The following MRPL34 variants were observed in gnomAD, a reference collection of about 807,000 sequenced individuals.
MRPL34 encodes mitochondrial ribosomal protein L34, also known as large ribosomal subunit protein bL34m.
MRPL34 carries 8 observed loss-of-function variants against 6.7 expected under a neutral mutation model. The ratio of observed to expected loss-of-function variants is 1.20; its 90% CI spans 0.70 to 2.16. MRPL34 has a LOEUF of 2.16. MRPL34 is among the 30% of genes most tolerant of loss of function. The pLI is 0.00. For missense variants in MRPL34, 146 were observed against 125.5 expected, an observed-to-expected ratio of 1.16 and a Z score of -0.78; for synonymous variants, 59 against 55.1, an observed-to-expected ratio of 1.07 and a Z score of -0.31.
At chr19:17,299,560 C>CAAAAA (rs567760409), upstream of MRPL34, among the ~76,000 whole-genome samples, 3,507 of 51,368 alleles carry the variant, frequency 0.068, 163 homozygotes, top group Middle Eastern at 0.15. Context: ...GACTCCATCT[C>CAAAAA]AAAAAAAAAA....
At chr19:17,297,509 T>C (rs1328349844) in intron 1 of MRPL34, among the ~76,000 whole-genome samples, 1 of 152,184 alleles carries the variant, frequency 6.6e-6, no homozygotes, top group African/African-American at 2.4e-5. Flanking sequence ...TTGGCCAGGC[T>C]GGTCTTGAAC....
upstream of MRPL34, among the ~76,000 whole-genome samples, chr19:17,304,297 C>A (rs2074135952): frequency 6.6e-6 from 1 of 152,214 alleles, no homozygotes; most frequent in Non-Finnish European, 1.5e-5. Flanking sequence ...AGCCTCTGCC[C>A]TTTGCTGATG....
Position 17,306,159 on chromosome 19 carries a change from C to T in MRPL34, c.66-7C>T, listed in dbSNP as rs1195630736. On this transcript the variant is annotated splice_region_variant and splice_polypyrimidine_tract_variant and intron_variant, in intron 1 of 1. Transcript: ENST00000252602. Reference sequence around the variant, plus strand: ...TGACCTTTCTCGCCGTCCCTCTACCCACGCAGGTGGCTCCAGCCCCGGGCC... The same window carrying T: ...TGACCTTTCTCGCCGTCCCTCTACCTACGCAGGTGGCTCCAGCCCCGGGCC... 1 of 1,517,758 alleles carries T rather than the reference C, an allele frequency of 6.6e-7. No individual in the cohort carries two copies. The highest frequency in any genetic ancestry group is 8.8e-7 in the Non-Finnish European group (1 of 1,135,448). The allele number at this position is 1,517,758 out of a possible 1,614,324, so 94.0% of individuals were successfully genotyped here.
chr19:17,296,551 A>G (rs2074094475), intron 1 of MRPL34: 1 of 152,188 alleles, frequency 6.6e-6, no homozygotes, highest in Non-Finnish European at 1.5e-5. Flanking sequence ...TACAAGATGG[A>G]AGGCCTGAGA....
chr19:17,293,389 G>T (rs977408789), intron 1 of MRPL34, among the ~76,000 whole-genome samples: 11 of 149,762 alleles, frequency 7.3e-5, no homozygotes, highest in African/African-American at 2.5e-4. Context: ...GAGCCACCGC[G>T]CCCGGCCTGG....
upstream of MRPL34, among the ~76,000 whole-genome samples, chr19:17,301,808 G>GTGTGTT (rs1491251074): frequency 7.0e-6 from 1 of 142,496 alleles, no homozygotes; most frequent in African/African-American, 2.5e-5. Flanking sequence ...GTGTGTGTGT[G>GTGTGTT]TTTTTGAGAC....
upstream of MRPL34, among the ~76,000 whole-genome samples, chr19:17,299,955 A>G (rs192950431): frequency 6.1e-5 from 9 of 148,588 alleles, no homozygotes; most frequent in East Asian, 1.2e-3. Flanking sequence ...GCTGGAGTGC[A>G]GTGGCACAAT....
At chr19:17,294,647 T>C (rs780129673) in intron 1 of MRPL34, 1 of 1,611,264 alleles carries the variant, frequency 6.2e-7, no homozygotes, top group Middle Eastern at 1.7e-4. Flanking sequence ...AGGGCCAGGA[T>C]CACGGTCTTT....
chr19:17,292,799 G>T, exon 1 of MRPL34: 1 of 1,612,912 alleles, frequency 6.2e-7, no homozygotes, highest in Non-Finnish European at 8.5e-7. Flanking sequence ...GGCTGCCCTC[G>T]TCGATGAGCT....
rs544569057 is a variant in MRPL34 at position 17,306,569 on chromosome 19, C to G, written c.*190C>G. ...TAGGCTTTTTAATTAGGAAGCATTT[C>G]GAACCTGCGCAACAGACCAAAGAAC... is the stretch of plus-strand genomic sequence containing the variant. On this transcript the variant is annotated 3_prime_UTR_variant, in exon 2 of 2. Transcript: ENST00000252602. The G allele has an allele frequency of 1.8e-6, 1 of 567,792 alleles. No individual in the cohort carries two copies. Among genetic ancestry groups the G allele is most frequent in the South Asian group, 2.2e-5 (1 of 46,158 alleles). 35.2% of individuals were successfully genotyped at this position (567,792 alleles called of 1,614,324 possible).
chr19:17,298,365 G>A (rs1196187095), upstream of MRPL34: 1 of 152,154 alleles, frequency 6.6e-6, no homozygotes, highest in Non-Finnish European at 1.5e-5. Flanking sequence ...AGCCTTCCAT[G>A]GAGGGGTTCT....
chr19:17,301,245 C>T (rs1250770211), upstream of MRPL34: 8 of 1,595,190 alleles, frequency 5.0e-6, no homozygotes, highest in Middle Eastern at 8.3e-4. Flanking sequence ...CGCTGCCCGC[C>T]GGATCTGCCA....
At chr19:17,305,441 C>T (rs1235400359), upstream of MRPL34, among the ~76,000 whole-genome samples, 1 of 152,174 alleles carries the variant, frequency 6.6e-6, no homozygotes, top group Non-Finnish European at 1.5e-5. Flanking sequence ...GAGGCGGAGA[C>T]TTGGCTGCAG....
upstream of MRPL34, chr19:17,301,171 C>A: frequency 6.2e-7 from 1 of 1,607,808 alleles, no homozygotes; most frequent in Non-Finnish European, 8.5e-7. Context: ...CCTGGCTCGC[C>A]GCCGCCGCCC....
At chr19:17,300,911 C>T (rs754390119), upstream of MRPL34, 10 of 1,608,386 alleles carry the variant, frequency 6.2e-6, no homozygotes, top group Admixed American at 1.7e-5. Context: ...TTGAAGATTG[C>T]TCGCATGTCC....
rs891222128 is a variant in MRPL34, at chr19:17,306,434, C to T, written c.*55C>T. 153 of 1,454,964 alleles carry T rather than the reference C, an allele frequency of 1.1e-4. No individual in the cohort carries two copies. Among genetic ancestry groups the T allele is most frequent in the Non-Finnish European group, 1.3e-4 (146 of 1,088,852 alleles). 90.1% of individuals were successfully genotyped at this position (1,454,964 alleles called of 1,614,324 possible). On this transcript the variant is annotated 3_prime_UTR_variant, in exon 2 of 2. Transcript: ENST00000252602. ...TGGAAGCATCGCCCTCGCCTCGGAC[C>T]TTGCCTGGCGCTATTTTTGCAGGGA...
chr19:17,296,442 G>A (rs2074094150), intron 1 of MRPL34: 1 of 152,158 alleles, frequency 6.6e-6, no homozygotes, highest in Non-Finnish European at 1.5e-5. Context: ...TTAAACAAAT[G>A]CTTCCGGCTG....
At chr19:17,294,203 T>C (rs2074083072) in intron 1 of MRPL34, 2 of 1,480,420 alleles carry the variant, frequency 1.4e-6, no homozygotes, top group East Asian at 2.4e-5. Flanking sequence ...CACCAAGCGC[T>C]ACCACGCCCC....
intron 1 of MRPL34, among the ~76,000 whole-genome samples, chr19:17,295,879 T>A (rs908633278): frequency 2.6e-5 from 4 of 152,138 alleles, no homozygotes; most frequent in Admixed American, 2.6e-4. Flanking sequence ...AGCTAATTTT[T>A]AAAAATTTTT....
Sources: gnomAD v4.1 joint callset for allele counts (sites outside exome capture counted in the v4.1 genomes callset) on GRCh38, gnomAD v4.1.1 for gene constraint, MANE v1.5 for transcripts, NCBI Gene and HGNC (gene_info 2026-07-23, HGNC 2026-07-21) for gene names.